LRRC9: variants seen among roughly 807,000 people sequenced by gnomAD.
The protein encoded by LRRC9 is leucine-rich repeat-containing protein 9.
In LRRC9, 122 loss-of-function variants were observed where a neutral mutation model predicts 63.2. That is an observed-to-expected ratio of 1.93 (90% CI 1.67 to 2.24). LRRC9 has a LOEUF of 2.24. Ranked by LOEUF, LRRC9 falls within the 30% of genes most tolerant of loss-of-function variation. The probability of loss-of-function intolerance (pLI) is 0.00; values close to 1 mark genes in which losing one functional copy is unlikely to be tolerated. For missense variants in LRRC9, 1,071 were observed against 627.7 expected (o/e 1.71, Z -7.55); for synonymous variants, 366 against 213.1 (o/e 1.72, Z -6.25).
intron 23 of LRRC9, among the ~76,000 whole-genome samples, chr14:60,011,821 A>G (rs1890279792): frequency 6.6e-6 from 1 of 152,336 alleles, no homozygotes; most frequent in South Asian, 2.1e-4. Context: ...ATATAGGAAG[A>G]AAAGCAATTT....
At chr14:59,945,071 A>G (rs1882214299) in intron 8 of LRRC9, among the ~76,000 whole-genome samples, 1 of 151,834 alleles carries the variant, frequency 6.6e-6, no homozygotes. Context: ...TACAAAAATT[A>G]TTAGACTTAT....
chr14:60,064,742 C>A (rs1894840449), downstream of LRRC9, among the ~76,000 whole-genome samples: 1 of 152,132 alleles, frequency 6.6e-6, no homozygotes, highest in East Asian at 1.9e-4. Context: ...AGTGTTGTGA[C>A]AGTCTACTCT....
chr14:60,001,664 A>G (rs140135945), intron 19 of LRRC9, among the ~76,000 whole-genome samples: 41 of 152,270 alleles, frequency 2.7e-4, no homozygotes, highest in African/African-American at 8.9e-4. Context: ...CTTGTAATCT[A>G]TTCATAATAT....
At chr14:60,002,347 C>T (rs1348210296) in intron 20 of LRRC9, among the ~76,000 whole-genome samples, 1 of 152,140 alleles carries the variant, frequency 6.6e-6, no homozygotes. Context: ...TGATGTTGTA[C>T]ATTAGGGTCT....
At chr14:59,953,803 T>A (rs1388227143) in intron 8 of LRRC9, among the ~76,000 whole-genome samples, 1 of 152,234 alleles carries the variant, frequency 6.6e-6, no homozygotes, top group African/African-American at 2.4e-5. Context: ...GGTTTTACAT[T>A]TAAGTCTTTG....
intron 16 of LRRC9, among the ~76,000 whole-genome samples, chr14:59,983,092 C>T (rs1887102887): frequency 3.3e-5 from 5 of 152,208 alleles, no homozygotes; most frequent in Admixed American, 3.3e-4. Context: ...CCACTCTATC[C>T]AAACTACTAT....
chr14:60,016,947 A>T (rs1024917306), intron 24 of LRRC9, among the ~76,000 whole-genome samples, 157 bp downstream of exon 24: 1 of 152,190 alleles, frequency 6.6e-6, no homozygotes, highest in East Asian at 1.9e-4. Context: ...AGTAATGAGC[A>T]TTTTTTGAGA....
chr14:60,051,687 A>G lies in LRRC9; in HGVS notation c.3991-1378A>G, dbSNP rs1893903199. 6.6e-6 allele frequency among the ~76,000 whole-genome samples: 1 copy of G among 152,162 alleles called. No individual in the cohort carries two copies. Among genetic ancestry groups the G allele is most frequent in the Non-Finnish European group, 1.5e-5 (1 of 68,028 alleles). On this transcript the variant is annotated intron_variant, in intron 29 of 31. Coordinates refer to ENST00000445360, the Ensembl canonical transcript of LRRC9. The surrounding 1 kb of genome is among the most constrained non-coding windows in gnomAD (Gnocchi z 4.7). ...TTCAACCCCCTTCCTAGGGGAATGTACAGACAGATCTACTGCCTTGCCAGA... is the reference window on the plus strand; with the variant it reads ...TTCAACCCCCTTCCTAGGGGAATGTGCAGACAGATCTACTGCCTTGCCAGA...
chr14:60,026,670 T>C (rs1474117668), intron 27 of LRRC9, among the ~76,000 whole-genome samples: 1 of 152,080 alleles, frequency 6.6e-6, no homozygotes, highest in South Asian at 2.1e-4. Context: ...GATTTTATTT[T>C]TGTATATGAT....
intron 8 of LRRC9, among the ~76,000 whole-genome samples, chr14:59,953,217 G>A (rs1883364434): frequency 6.6e-6 from 1 of 152,186 alleles, no homozygotes; most frequent in African/African-American, 2.4e-5. Flanking sequence ...GGTTCTAGAT[G>A]TTTGAGGAAA....
intron 19 of LRRC9, 142 bp from the exon 20 acceptor site, chr14:60,001,824 C>A: frequency 2.3e-6 from 1 of 430,512 alleles, no homozygotes. Flanking sequence ...ATATTGAAAA[C>A]AATTTAAGGC....
intron 15 of LRRC9, among the ~76,000 whole-genome samples, chr14:59,979,906 A>G (rs1375045831): frequency 6.6e-6 from 1 of 151,934 alleles, no homozygotes; most frequent in Non-Finnish European, 1.5e-5. Flanking sequence ...AGCATGGCAC[A>G]TGTATACATA....
At chr14:60,034,404 A>G (rs1892260284) in intron 29 of LRRC9, among the ~76,000 whole-genome samples, 1 of 152,124 alleles carries the variant, frequency 6.6e-6, no homozygotes, top group Non-Finnish European at 1.5e-5. Flanking sequence ...TAAAACATAC[A>G]TATACAATTT....
chr14:60,008,287 G>T, intron 23 of LRRC9, 73 bp downstream of exon 23: 3 of 554,436 alleles, frequency 5.4e-6, no homozygotes, highest in Admixed American at 3.1e-5. Flanking sequence ...TAGTCATTTT[G>T]AACATTGCTT....
rs554792756 is a variant in LRRC9 at position 60,039,741 on chromosome 14, G to A, written c.3990+7678G>A. On this transcript the variant is annotated intron_variant, in intron 29 of 31. Coordinates refer to ENST00000445360, the Ensembl canonical transcript of LRRC9. ...CCTGGATTCATTGATTTTTTTGAAG[G>A]GTTTTTTGTGTCTCTATCTCCTTCA... Among the ~76,000 whole-genome samples the A allele has an allele frequency of 4.0e-5, 6 of 151,896 alleles. No individual in the cohort carries two copies. In the South Asian group the frequency reaches 1.3e-3, roughly 32 times the overall value.
In LRRC9 at chr14:60,031,308, C is replaced by T. The variant is rs1566892057; in HGVS notation, c.3922-687C>T. ...TTTGCTATATGTCCACTTGTAATTCCACAAAGGAATACAGGCATGTCAATA... is the reference window on the plus strand; with the variant it reads ...TTTGCTATATGTCCACTTGTAATTCTACAAAGGAATACAGGCATGTCAATA... On this transcript the variant is annotated intron_variant, in intron 28 of 31. Coordinates refer to ENST00000445360, the Ensembl canonical transcript of LRRC9. The surrounding 1 kb of genome is among the most constrained non-coding windows in gnomAD (Gnocchi z 4.6). Among the ~76,000 whole-genome samples the T allele has an allele frequency of 4.6e-5, 7 of 151,942 alleles. No homozygotes were observed. In the South Asian group the frequency reaches 1.0e-3, roughly 22 times the overall value.
chr14:59,966,585 A>C lies in LRRC9; in HGVS notation c.1212-4A>C. 1 of 654,450 alleles carries C rather than the reference A, an allele frequency of 1.5e-6. No individual in the cohort carries two copies. Among genetic ancestry groups the C allele is most frequent in the African/African-American group, 1.8e-5 (1 of 55,448 alleles). The allele number at this position is 654,450 out of a possible 1,614,324, so 40.5% of individuals were successfully genotyped here. On this transcript the variant is annotated splice_region_variant and splice_polypyrimidine_tract_variant and intron_variant, in intron 10 of 31. Transcript: ENST00000445360. The surrounding 1 kb of genome is among the most constrained non-coding windows in gnomAD (Gnocchi z 4.0). Reference sequence around the variant, plus strand: ...ATGTATATTCTGTATGTATTCCCACATAGGTTTAATTTCTGCTATGAATTA... The same window carrying C: ...ATGTATATTCTGTATGTATTCCCACCTAGGTTTAATTTCTGCTATGAATTA...
chr14:60,030,174 T>C (rs1439273417), intron 28 of LRRC9: 1 of 152,056 alleles, frequency 6.6e-6, no homozygotes, highest in Non-Finnish European at 1.5e-5. Flanking sequence ...GATTGATAGA[T>C]GGGAGAAAGC....
chr14:60,034,459 T>A (rs890618604), intron 29 of LRRC9, among the ~76,000 whole-genome samples: 3 of 152,124 alleles, frequency 2.0e-5, no homozygotes, highest in Admixed American at 2.0e-4. Flanking sequence ...GAAATAAATA[T>A]ATTTATATTC....
Sources: allele counts gnomAD v4.1 joint callset (sites outside exome capture counted in the v4.1 genomes callset), GRCh38; gene constraint gnomAD v4.1.1; non-coding constraint Gnocchi (gnomAD v3.1); transcripts MANE v1.5; gene names NCBI Gene and HGNC (gene_info 2026-07-23, HGNC 2026-07-21).